MND1: variants seen among roughly 807,000 people sequenced by gnomAD.
MND1 encodes meiotic nuclear division protein 1 homolog.
In MND1, 28 loss-of-function variants were observed where a neutral mutation model predicts 35.1. That is an observed-to-expected ratio of 0.80 (90% CI 0.59 to 1.09). The LOEUF is 1.09. Ranked by LOEUF, MND1 falls within the 50% of genes least tolerant of loss-of-function variation. MND1 has a pLI of 0.00. For synonymous variants in MND1, 69 were observed against 70.5 expected (o/e 0.98, Z 0.11); for missense variants, 213 against 239.6 (o/e 0.89, Z 0.73).
intron 4 of MND1, among the ~76,000 whole-genome samples, chr4:153,366,826 G>A (rs973216609): frequency 2.6e-5 from 4 of 152,186 alleles, no homozygotes; most frequent in Admixed American, 2.6e-4. Context: ...AATCCCCACA[G>A]TATTATGAGG....
intron 4 of MND1, among the ~76,000 whole-genome samples, chr4:153,365,521 G>C (rs757319871): frequency 4.6e-5 from 7 of 152,098 alleles, no homozygotes; most frequent in Non-Finnish European, 5.9e-5. Flanking sequence ...CAACTGTAAA[G>C]TTACAGTGGT....
At chr4:153,408,251 CAG>C (rs1488593555) in intron 6 of MND1, among the ~76,000 whole-genome samples, 1 of 151,966 alleles carries the variant, frequency 6.6e-6, no homozygotes, top group Non-Finnish European at 1.5e-5. Context: ...GCTTGGGAGA[CAG>C]AGTGAGACCC....
chr4:153,401,453 T>C (rs1181936548), intron 6 of MND1, among the ~76,000 whole-genome samples: 1 of 152,166 alleles, frequency 6.6e-6, no homozygotes, highest in Non-Finnish European at 1.5e-5. Context: ...GAAATTTAAA[T>C]ATTTAAGTAG....
chr4:153,354,536 A>G (rs1280177284), intron 2 of MND1, among the ~76,000 whole-genome samples: 1 of 151,560 alleles, frequency 6.6e-6, no homozygotes, highest in Admixed American at 6.6e-5. Flanking sequence ...CTTACTCTAT[A>G]CTCTTGCCCA....
At chr4:153,384,270 T>TG in intron 4 of MND1, among the ~76,000 whole-genome samples, 1 of 139,304 alleles carries the variant, frequency 7.2e-6, no homozygotes, top group Non-Finnish European at 1.6e-5. Context: ...TTTTTTTTTT[T>TG]TTTTTTTTTT....
chr4:153,372,954 ATAT>A (rs1773827354), intron 4 of MND1, among the ~76,000 whole-genome samples: 1 of 151,814 alleles, frequency 6.6e-6, no homozygotes, highest in South Asian at 2.1e-4. Flanking sequence ...ATTCCAGGTA[ATAT>A]TCTTTGTTCT....
rs557080259 is a variant in MND1, at chr4:153,369,719, G to A, written c.276+11097G>A. On this transcript the variant is annotated intron_variant, in intron 4 of 7. Transcript: ENST00000240488. ...TGCTGAAGGGTAGATGGCTATAGTC[G>A]TTTTTTAAAAATAAGACAACCGTGA... is the stretch of plus-strand genomic sequence containing the variant. Among the ~76,000 whole-genome samples the A allele has an allele frequency of 4.0e-5, 6 of 151,264 alleles. No individual in the cohort carries two copies. The South Asian group carries it at 6.2e-4, about 16-fold the overall frequency.
chr4:153,371,590 T>C (rs1430519871), intron 4 of MND1, among the ~76,000 whole-genome samples: 1 of 152,106 alleles, frequency 6.6e-6, no homozygotes, highest in Non-Finnish European at 1.5e-5. Flanking sequence ...CTTCCTCACC[T>C]CTCAGCCTAC....
intron 7 of MND1, among the ~76,000 whole-genome samples, chr4:153,414,385 G>A (rs1020847423): frequency 2.6e-5 from 4 of 151,540 alleles, no homozygotes; most frequent in Non-Finnish European, 1.5e-5. Context: ...AGGTTCAAAC[G>A]ATTCTCCTGC....
chr4:153,370,597 G>GCAACCT (rs1395508519), intron 4 of MND1, among the ~76,000 whole-genome samples: 3 of 151,946 alleles, frequency 2.0e-5, no homozygotes, highest in African/African-American at 7.2e-5. Flanking sequence ...CTAGCTCACT[G>GCAACCT]CAACCTCCGC....
At chr4:153,397,107 T>C in intron 5 of MND1, 112 bp from the exon 6 acceptor site, 1 of 660,514 alleles carries the variant, frequency 1.5e-6, no homozygotes, top group Non-Finnish European at 2.6e-6. Context: ...ATGTCAAAAG[T>C]CTAATGCACA....
intron 4 of MND1, among the ~76,000 whole-genome samples, chr4:153,376,918 T>C (rs1338715323): frequency 6.6e-6 from 1 of 152,088 alleles, no homozygotes; most frequent in Non-Finnish European, 1.5e-5. Flanking sequence ...TGAATGAAAA[T>C]TAAAGGAAAT....
intron 4 of MND1, among the ~76,000 whole-genome samples, chr4:153,385,768 A>G: frequency 6.6e-6 from 1 of 151,498 alleles, no homozygotes; most frequent in South Asian, 2.1e-4. Context: ...TTCAGACATC[A>G]TTTAAGACTC....
chr4:153,349,883 G>T (rs2149628127), intron 1 of MND1, among the ~76,000 whole-genome samples, 181 bp from the exon 2 acceptor site: 1 of 152,264 alleles, frequency 6.6e-6, no homozygotes, highest in Middle Eastern at 3.4e-3. Flanking sequence ...TTACCATCTT[G>T]GCAGCACCTA....
chr4:153,404,509 G>A (rs973359503), intron 6 of MND1, among the ~76,000 whole-genome samples: 1 of 144,226 alleles, frequency 6.9e-6, no homozygotes. Context: ...TTGAAACGGG[G>A]TTTCAGTCTT....
intron 6 of MND1, among the ~76,000 whole-genome samples, chr4:153,399,774 G>A (rs1412587914): frequency 6.6e-6 from 1 of 151,754 alleles, no homozygotes; most frequent in African/African-American, 2.4e-5. Flanking sequence ...TATAACTTTG[G>A]TAATTTATTT....
intron 4 of MND1, among the ~76,000 whole-genome samples, chr4:153,376,190 A>T (rs1330555633): frequency 2.0e-5 from 3 of 152,118 alleles, no homozygotes; most frequent in South Asian, 2.1e-4. Context: ...TCAAGAGATG[A>T]CTTTTTCTTC....
intron 4 of MND1, among the ~76,000 whole-genome samples, chr4:153,389,282 C>T (rs1728955435): frequency 6.6e-6 from 1 of 152,172 alleles, no homozygotes. Context: ...CTGCCTCCTG[C>T]CATTATCAAT....
At chr4:153,350,973 A>G (rs965166932) in intron 2 of MND1, among the ~76,000 whole-genome samples, 4 of 151,620 alleles carry the variant, frequency 2.6e-5, no homozygotes, top group African/African-American at 9.7e-5. Context: ...AAAAAAACAA[A>G]CAAAATACAC....
Sources: gnomAD v4.1 joint callset for allele counts (sites outside exome capture counted in the v4.1 genomes callset) on GRCh38, gnomAD v4.1.1 for gene constraint, MANE v1.5 for transcripts, NCBI Gene and HGNC (gene_info 2026-07-23, HGNC 2026-07-21) for gene names.